XPO7: variants seen among roughly 807,000 people sequenced by gnomAD.
XPO7 encodes the protein exportin 7.
XPO7 carries 21 observed loss-of-function variants against 144.3 expected under a neutral mutation model. The ratio of observed to expected loss-of-function variants is 0.15; its 90% CI spans 0.10 to 0.21. The LOEUF (loss-of-function observed/expected upper bound fraction) is 0.21. XPO7 is among the 10% of genes least tolerant of loss of function. XPO7 has a pLI of 1.00. For synonymous variants in XPO7, 580 were observed against 499.6 expected (o/e 1.16, Z -2.15); for missense variants, 808 against 1,325.8 (o/e 0.61, Z 6.06).
At chr8:21,999,813 T>C in intron 24 of XPO7, 139 bp downstream of exon 24, 1 of 1,092,314 alleles carries the variant, frequency 9.2e-7, no homozygotes, top group Non-Finnish European at 1.3e-6. Context: ...GAGTATATAA[T>C]GCACAGCACA....
At chr8:21,996,776 G>GT (rs931357870) in intron 21 of XPO7, among the ~76,000 whole-genome samples, 2 of 151,628 alleles carry the variant, frequency 1.3e-5, no homozygotes, top group Admixed American at 6.6e-5. Context: ...AATTAGTAAG[G>GT]TTTTTTTTCT....
intron 1 of XPO7, among the ~76,000 whole-genome samples, chr8:21,931,170 T>C (rs1434627114): frequency 6.8e-6 from 1 of 146,396 alleles, no homozygotes; most frequent in Non-Finnish European, 1.5e-5. Flanking sequence ...CTCTCTCTCT[T>C]TTTTTTTTTT....
intron 24 of XPO7, among the ~76,000 whole-genome samples, chr8:22,000,696 G>A (rs993272446): frequency 3.3e-5 from 5 of 152,074 alleles, no homozygotes; most frequent in South Asian, 2.1e-4. Context: ...CTCATGATCC[G>A]CCTGGCTTGG....
At chr8:21,934,572 A>G (rs1810762803) in intron 1 of XPO7, among the ~76,000 whole-genome samples, 1 of 152,120 alleles carries the variant, frequency 6.6e-6, no homozygotes, top group Admixed American at 6.5e-5. Context: ...GAGAACTGAT[A>G]TTTTTATTTT....
At chr8:21,921,653 G>C (rs1181068025) in intron 1 of XPO7, 1 of 152,124 alleles carries the variant, frequency 6.6e-6, no homozygotes, top group Non-Finnish European at 1.5e-5. Context: ...GTAAGATGTT[G>C]TTCTCCCACT....
At chr8:21,948,470 C>T (rs1811264194) in intron 1 of XPO7, among the ~76,000 whole-genome samples, 1 of 152,120 alleles carries the variant, frequency 6.6e-6, no homozygotes, top group South Asian at 2.1e-4. Context: ...TGTGTAAGTA[C>T]ACTCTGATGT....
chr8:21,919,698 C>T lies in XPO7; in HGVS notation c.-73C>T, dbSNP rs1311750230. On this transcript the variant is annotated 5_prime_UTR_variant, in exon 1 of 28. Transcript: ENST00000252512. ...GCAGCGGCGACGGCGTCGGCGGCGG[C>T]GGCGGCAGCGGCTCCGGCCGAGGTG... 3 of 195,316 alleles carry T rather than the reference C, an allele frequency of 1.5e-5. No individual in the cohort carries two copies. The highest frequency in any genetic ancestry group is 1.6e-4 in the South Asian group (1 of 6,072). 12.1% of individuals were successfully genotyped at this position (195,316 alleles called of 1,614,324 possible).
At chr8:21,934,945 C>T (rs748870124) in intron 1 of XPO7, among the ~76,000 whole-genome samples, 1 of 152,196 alleles carries the variant, frequency 6.6e-6, no homozygotes, top group South Asian at 2.1e-4. Flanking sequence ...CACCACAAAG[C>T]AGGTTGTGAC....
chr8:21,967,628 C>T (rs1417331503), intron 2 of XPO7, among the ~76,000 whole-genome samples: 4 of 152,110 alleles, frequency 2.6e-5, no homozygotes, highest in Non-Finnish European at 5.9e-5. Context: ...CCACCACACC[C>T]GGCCAATAAA....
chr8:21,991,852 G>A lies in XPO7; in HGVS notation c.2042-16G>A, dbSNP rs1447860853. The A allele has an allele frequency of 1.3e-6, 2 of 1,599,886 alleles. No individual in the cohort carries two copies. Among genetic ancestry groups the A allele is most frequent in the Non-Finnish European group, 1.7e-6 (2 of 1,171,598 alleles). On this transcript the variant is annotated splice_polypyrimidine_tract_variant and intron_variant, in intron 18 of 27. Coordinates refer to ENST00000252512, the MANE Select transcript of XPO7 (RefSeq NM_015024.5). The stretch of plus-strand genomic sequence containing the variant: ...TCTTGGTATTGGGGTTACACCCTGG[G>A]ATGTTTCCTTTACAGGAGAGGATGA...
rs537170612 is a variant in XPO7 at position 21,985,564 on chromosome 8, C to G, written c.1472-22C>G. 1,959 of 1,605,334 alleles carry G rather than the reference C, an allele frequency of 1.2e-3. 33 individuals are homozygous for G. In the South Asian group the frequency reaches 0.02, roughly 17 times the overall value. ...CAAGAAACTATCACTGGAGGTGACA[C>G]TGGGTCTGTCTCCTGCTGCAGGAAG... On this transcript the variant is annotated intron_variant, in intron 12 of 27. Transcript: ENST00000252512.
intron 4 of XPO7, 69 bp downstream of exon 4, chr8:21,970,379 C>CACAG (rs1303001440): frequency 1.5e-6 from 2 of 1,367,378 alleles, no homozygotes; most frequent in Non-Finnish European, 2.0e-6. Context: ...AACACACACA[C>CACAG]ACACACACAC....
intron 1 of XPO7, among the ~76,000 whole-genome samples, chr8:21,946,643 T>TG (rs1323213442): frequency 8.8e-5 from 13 of 147,320 alleles, no homozygotes; most frequent in African/African-American, 3.2e-4. Flanking sequence ...AAACAGGATT[T>TG]TTTTTTTTTT....
chr8:21,974,602 G>T, intron 5 of XPO7, 68 bp from the exon 6 acceptor site: 1 of 1,046,878 alleles, frequency 9.6e-7, no homozygotes, highest in Non-Finnish European at 1.4e-6. Flanking sequence ...TAGCTTATAG[G>T]AAGTCTACAT....
chr8:21,954,399 G>A (rs1251315511), intron 1 of XPO7, among the ~76,000 whole-genome samples: 1 of 152,198 alleles, frequency 6.6e-6, no homozygotes, highest in Non-Finnish European at 1.5e-5. Context: ...ACATTGGGAA[G>A]CCAAGACAGG....
At chr8:21,970,449 T>A in intron 4 of XPO7, 139 bp downstream of exon 4, 3 of 949,934 alleles carry the variant, frequency 3.2e-6, no homozygotes, top group Non-Finnish European at 4.4e-6. Flanking sequence ...ATATGATATA[T>A]TCTCTTCTGC....
At chr8:21,963,081 A>G (rs965612692) in intron 1 of XPO7, among the ~76,000 whole-genome samples, 1 of 152,208 alleles carries the variant, frequency 6.6e-6, no homozygotes, top group Non-Finnish European at 1.5e-5. Flanking sequence ...GCAATTCTTT[A>G]TATATTTGTG....
At chr8:21,931,467 AAC>A in intron 1 of XPO7, among the ~76,000 whole-genome samples, 1 of 152,140 alleles carries the variant, frequency 6.6e-6, no homozygotes, top group Non-Finnish European at 1.5e-5. Flanking sequence ...ATTTCTTATT[AAC>A]TTACAGCAAC....
rs765080280 is a variant in XPO7 at position 22,002,230 on chromosome 8, C to T, written c.2901C>T (p.Arg967=). The change falls in exon 25 of 28, where the codon CGC becomes CGT. Residue 967 remains arginine, a synonymous_variant. Transcript: ENST00000252512. The stretch of plus-strand genomic sequence containing the variant: ...CACCCCTGAACCAGGAGAGCGACCG[C>T]TTTCTGCACATCATGCAGCAGCATC... The part of the protein sequence containing the change: ...RTTPLNQESD[R]FLHIMQQHPE... 6.2e-7 allele frequency: 1 copy of T among 1,613,368 alleles called. No individual in the cohort carries two copies. Among genetic ancestry groups the T allele is most frequent in the Non-Finnish European group, 8.5e-7 (1 of 1,179,626 alleles).
Sources: gnomAD v4.1 joint callset for allele counts (sites outside exome capture counted in the v4.1 genomes callset) on GRCh38, gnomAD v4.1.1 for gene constraint, MANE v1.5 for transcripts, NCBI Gene and HGNC (gene_info 2026-07-23, HGNC 2026-07-21) for gene names.